Variants in CSPP1 observed in about 807,000 individuals in gnomAD.
CSPP1 encodes centrosome and spindle pole associated protein 1.
CSPP1 carries 126 observed loss-of-function variants against 164.4 expected under a neutral mutation model. The ratio of observed to expected loss-of-function variants is 0.77; its 90% CI spans 0.66 to 0.89. The LOEUF (loss-of-function observed/expected upper bound fraction) is 0.89. Ranked by LOEUF, CSPP1 falls within the 40% of genes least tolerant of loss-of-function variation. The pLI is 0.00. For missense variants in CSPP1, 1,395 were observed against 1,449.8 expected, an observed-to-expected ratio of 0.96 and a Z score of 0.61; for synonymous variants, 472 against 476.7, an observed-to-expected ratio of 0.99 and a Z score of 0.13.
At chr8:67,146,124 T>C (rs1824503321) in intron 17 of CSPP1, among the ~76,000 whole-genome samples, 1 of 144,530 alleles carries the variant, frequency 6.9e-6, no homozygotes, top group Non-Finnish European at 1.5e-5. Flanking sequence ...ATACTTTTCT[T>C]TTTTTTTTTT....
chr8:67,183,111 C>T (rs1295722103), intron 28 of CSPP1, among the ~76,000 whole-genome samples: 2 of 152,220 alleles, frequency 1.3e-5, no homozygotes, highest in Non-Finnish European at 2.9e-5. Context: ...ATAGGTTTAG[C>T]TCTTAATGTT....
intron 15 of CSPP1, among the ~76,000 whole-genome samples, chr8:67,131,493 TTTTA>T (rs1371206982): frequency 2.6e-5 from 4 of 152,218 alleles, no homozygotes; most frequent in South Asian, 2.1e-4. Flanking sequence ...AAAATATTAA[TTTTA>T]TTTGAGACAG....
At chr8:67,173,796 T>G (rs115468890) in intron 25 of CSPP1, 12 of 152,254 alleles carry the variant, frequency 7.9e-5, no homozygotes, top group African/African-American at 2.9e-4. Flanking sequence ...CCAGGCATTG[T>G]GTTAACCCAG....
chr8:67,138,126 A>G (rs1242748756), intron 17 of CSPP1, among the ~76,000 whole-genome samples: 1 of 152,170 alleles, frequency 6.6e-6, no homozygotes, highest in African/African-American at 2.4e-5. Flanking sequence ...TTATCTTTCA[A>G]TTATGTACTC....
At position 67,095,170 on chromosome 8, in the gene CSPP1, A is replaced by G. The variant is rs1812490973; in HGVS notation, c.484-123A>G. 1.9e-5 allele frequency: 10 copies of G among 537,778 alleles called. No individual in the cohort carries two copies. The South Asian group carries it at 3.5e-4, about 19-fold the overall frequency. The allele number at this position is 537,778 out of a possible 1,614,324, so 33.3% of individuals were successfully genotyped here. On this transcript the variant is annotated intron_variant, in intron 6 of 30. Transcript: ENST00000678616. ...TAAAAACGTATATATATATAAATAT[A>G]TGGGTGATTAAATAAACATCAGAGT...
At chr8:67,071,308 C>T (rs905275387) in intron 1 of CSPP1, among the ~76,000 whole-genome samples, 3 of 151,436 alleles carry the variant, frequency 2.0e-5, no homozygotes, top group Admixed American at 6.6e-5. Flanking sequence ...CTCTTTTCCT[C>T]AACTAATTAT....
chr8:67,192,988 T>A (rs753082497), intron 29 of CSPP1, among the ~76,000 whole-genome samples: 14 of 152,336 alleles, frequency 9.2e-5, no homozygotes, highest in Middle Eastern at 3.4e-3. Context: ...CAAATGTTAC[T>A]CCTTATCCTT....
intron 9 of CSPP1, 123 bp downstream of exon 9, chr8:67,106,098 T>G (rs947038702): frequency 2.1e-5 from 13 of 617,842 alleles, no homozygotes; most frequent in African/African-American, 2.0e-4. Context: ...TTGTAAGTGC[T>G]TACTTTACAC....
Position 67,094,614 on chromosome 8 carries a change from AT to A in CSPP1, c.484-678del, listed in dbSNP as rs1398281349. ...TCTTGAAATTTTTTTTTCTAAAAAA[AT>A]ATATGGGTGATTAATGTTGCCTAGG... On this transcript the variant is annotated intron_variant, in intron 6 of 30. Transcript: ENST00000678616. Among the ~76,000 whole-genome samples, 5 of 152,180 alleles carry A rather than the reference AT, an allele frequency of 3.3e-5. No homozygotes were observed. The East Asian group carries it at 9.7e-4, about 29-fold the overall frequency.
At chr8:67,177,828 T>C (rs1244743838) in intron 27 of CSPP1, 102 bp downstream of exon 27, 11 of 845,492 alleles carry the variant, frequency 1.3e-5, no homozygotes, top group Non-Finnish European at 2.3e-5. Flanking sequence ...TTCAGGAATA[T>C]TGAATTAAGA....
intron 7 of CSPP1, among the ~76,000 whole-genome samples, chr8:67,102,061 T>C (rs1170586680): frequency 1.3e-5 from 2 of 152,206 alleles, no homozygotes; most frequent in African/African-American, 4.8e-5. Context: ...TTGAAAAACA[T>C]TTTTTCATTA....
At chr8:67,141,437 A>G (rs1823469723) in intron 17 of CSPP1, among the ~76,000 whole-genome samples, 1 of 152,256 alleles carries the variant, frequency 6.6e-6, no homozygotes, top group Non-Finnish European at 1.5e-5. Context: ...CAAATACAGT[A>G]TAACTCTTTT....
intron 17 of CSPP1, among the ~76,000 whole-genome samples, chr8:67,141,952 C>T (rs1823600877): frequency 1.3e-5 from 2 of 152,156 alleles, no homozygotes; most frequent in Non-Finnish European, 2.9e-5. Flanking sequence ...TCTAATTACT[C>T]CTGTTCTTTT....
chr8:67,089,571 T>G (rs1244691932), intron 4 of CSPP1, among the ~76,000 whole-genome samples: 1 of 152,228 alleles, frequency 6.6e-6, no homozygotes, highest in African/African-American at 2.4e-5. Flanking sequence ...TCTAGCATGC[T>G]GTATAATTAC....
chr8:67,183,628 TTTGTAGG>T (rs1324347562), intron 28 of CSPP1, among the ~76,000 whole-genome samples: 1 of 152,120 alleles, frequency 6.6e-6, no homozygotes, highest in Non-Finnish European at 1.5e-5. Context: ...AACTTCTCAA[TTTGTAGG>T]AGGTAGCAGA....
chr8:67,129,807 A>C (rs1230883320), intron 15 of CSPP1, among the ~76,000 whole-genome samples: 1 of 152,218 alleles, frequency 6.6e-6, no homozygotes, highest in Non-Finnish European at 1.5e-5. Context: ...ATCTATAGAG[A>C]CAGCAGGCTA....
intron 28 of CSPP1, among the ~76,000 whole-genome samples, chr8:67,187,021 T>A (rs1834862291): frequency 6.6e-6 from 1 of 152,076 alleles, no homozygotes; most frequent in Non-Finnish European, 1.5e-5. Flanking sequence ...ATCTAATCTA[T>A]CTATCTAGAA....
Position 67,137,463 on chromosome 8 carries a change from A to C in CSPP1, c.1835A>C (p.Glu612Ala), listed in dbSNP as rs1432701128. ...ATATCTTATGTTGTCAAGATTCGGG[A>C]AAGAGAAGAAAGAAGGAAGAAAGAA... ...YQEALQQQIR[E>A]REERRKKERE... The change falls in exon 17 of 31, where the codon GAA becomes GCA. Residue 612 changes from glutamate to alanine, a missense_variant. By Grantham distance (107) the Glu-to-Ala change is moderately radical. Transcript: ENST00000678616. The C allele has an allele frequency of 3.3e-6, 5 of 1,515,638 alleles. No homozygotes were observed. Among genetic ancestry groups the C allele is most frequent in the Non-Finnish European group, 4.5e-6 (5 of 1,115,796 alleles). The allele number at this position is 1,515,638 out of a possible 1,614,324, so 93.9% of individuals were successfully genotyped here.
chr8:67,138,585 C>T (rs1178178805), intron 17 of CSPP1, among the ~76,000 whole-genome samples: 5 of 151,920 alleles, frequency 3.3e-5, no homozygotes, highest in Admixed American at 6.6e-5. Context: ...CTTTGTTTAG[C>T]GTTTAGTTAA....
Sources: allele counts gnomAD v4.1 joint callset (sites outside exome capture counted in the v4.1 genomes callset), GRCh38; gene constraint gnomAD v4.1.1; transcripts MANE v1.5; gene names NCBI Gene and HGNC (gene_info 2026-07-23, HGNC 2026-07-21).